Variants in ZNF644 observed in about 807,000 individuals in gnomAD.
ZNF644 encodes zinc finger protein 644.
Under a neutral mutation model 108.0 loss-of-function variants are expected in ZNF644, and 20 were observed. That is an observed-to-expected ratio of 0.19 (90% CI 0.13 to 0.27). ZNF644 has a LOEUF of 0.27. Among genes scored for constraint, ZNF644 ranks in the 10% least tolerant of loss-of-function variants. The pLI, the probability that ZNF644 is intolerant of heterozygous loss-of-function variation, is 1.00. For synonymous variants in ZNF644, 542 were observed against 539.1 expected, an observed-to-expected ratio of 1.01 and a Z score of -0.08; for missense variants, 1,338 against 1,548.9, an observed-to-expected ratio of 0.86 and a Z score of 2.29.
chr1:90,964,421 T>C (rs919112811), intron 2 of ZNF644, among the ~76,000 whole-genome samples: 7 of 152,148 alleles, frequency 4.6e-5, no homozygotes, highest in African/African-American at 1.4e-4. Flanking sequence ...AAAATGTATA[T>C]ACTTCCCTAC....
Position 90,934,980 on chromosome 1 carries a change from A to C in ZNF644, c.3688+2505T>G, listed in dbSNP as rs569669445. 2.0e-5 allele frequency among the ~76,000 whole-genome samples: 3 copies of C among 152,220 alleles called. No homozygotes were observed. In the East Asian group the frequency reaches 5.8e-4, roughly 29 times the overall value. ...TTCACAGGCACAATCATAGCACATTATAGCCGCTAACTCTTGAGCTCAAGT... is the reference window on the plus strand; with the variant it reads ...TTCACAGGCACAATCATAGCACATTCTAGCCGCTAACTCTTGAGCTCAAGT... On this transcript the variant is annotated intron_variant, in intron 4 of 5. Transcript: ENST00000337393.
chr1:90,962,111 A>G (rs1229780078), intron 2 of ZNF644, among the ~76,000 whole-genome samples: 2 of 152,194 alleles, frequency 1.3e-5, no homozygotes, highest in African/African-American at 2.4e-5. Flanking sequence ...CTCATGAACT[A>G]TAAGACCTAA....
chr1:90,951,241 C>T (rs1653130225), intron 2 of ZNF644, among the ~76,000 whole-genome samples: 1 of 152,130 alleles, frequency 6.6e-6, no homozygotes. Context: ...CGGAGTGATC[C>T]ATACAGATAA....
At chr1:90,931,174 T>C (rs1473718372) in intron 4 of ZNF644, among the ~76,000 whole-genome samples, 1 of 152,054 alleles carries the variant, frequency 6.6e-6, no homozygotes, top group Non-Finnish European at 1.5e-5. Flanking sequence ...AGCATAAAAA[T>C]ACATCATTTA....
At chr1:90,946,303 AT>A (rs2101007724) in intron 2 of ZNF644, among the ~76,000 whole-genome samples, 1 of 152,200 alleles carries the variant, frequency 6.6e-6, no homozygotes, top group African/African-American at 2.4e-5. Context: ...CACTAAAAAA[AT>A]ACAGAACACT....
intron 1 of ZNF644, among the ~76,000 whole-genome samples, chr1:91,006,479 C>A (rs1250089543): frequency 6.6e-6 from 1 of 152,290 alleles, no homozygotes; most frequent in East Asian, 1.9e-4. Flanking sequence ...ATAATTAACA[C>A]TATTCCTTCT....
At chr1:91,019,623 T>A (rs921078753) in intron 1 of ZNF644, among the ~76,000 whole-genome samples, 5 of 152,186 alleles carry the variant, frequency 3.3e-5, no homozygotes, top group Admixed American at 2.0e-4. Context: ...CAGACTGGAG[T>A]GCAGTGCCAC....
chr1:90,919,011 T>C (rs1268671547), intron 4 of ZNF644, among the ~76,000 whole-genome samples: 1 of 152,130 alleles, frequency 6.6e-6, no homozygotes, highest in Non-Finnish European at 1.5e-5. Context: ...ACCAAAATTT[T>C]ATGTGAACTG....
intron 2 of ZNF644, among the ~76,000 whole-genome samples, chr1:90,955,455 G>A (rs1393356425): frequency 6.6e-6 from 1 of 152,218 alleles, no homozygotes; most frequent in Admixed American, 6.5e-5. Flanking sequence ...CATCTACACT[G>A]AAAAATCTGT....
chr1:90,978,023 C>T (rs968616880), intron 2 of ZNF644, among the ~76,000 whole-genome samples: 3 of 152,090 alleles, frequency 2.0e-5, no homozygotes, highest in African/African-American at 7.2e-5. Context: ...CTCATAAGGT[C>T]ACATGTGACT....
At chr1:90,993,458 T>G (rs577716076) in intron 1 of ZNF644, among the ~76,000 whole-genome samples, 3 of 152,314 alleles carry the variant, frequency 2.0e-5, no homozygotes, top group Admixed American at 2.0e-4. Context: ...CCTGGCTGAC[T>G]CACAGACTTG....
chr1:90,947,750 T>C (rs182740240), intron 2 of ZNF644, among the ~76,000 whole-genome samples: 240 of 152,286 alleles, frequency 1.6e-3, no homozygotes, highest in Middle Eastern at 0.01. Flanking sequence ...AATAAACCCA[T>C]GATAAATGGA....
rs903827956 is a variant in ZNF644, at chr1:91,022,026, G to A, written c.-54C>T. 13 of 398,854 alleles carry A rather than the reference G, an allele frequency of 3.3e-5. No individual in the cohort carries two copies. The highest frequency in any genetic ancestry group is 1.8e-5 in the Non-Finnish European group (4 of 225,954). 24.7% of individuals were successfully genotyped at this position (398,854 alleles called of 1,614,324 possible). ...GTGTGCGTCAAACCGGGGCGACGTT[G>A]GGAGCACGCGGCGTCCCCGCGTCAC... On this transcript the variant is annotated 5_prime_UTR_variant, in exon 1 of 6. Coordinates refer to ENST00000337393, the MANE Select transcript of ZNF644 (RefSeq NM_201269.3).
intron 2 of ZNF644, among the ~76,000 whole-genome samples, chr1:90,970,680 T>G (rs950214072): frequency 1.3e-5 from 2 of 152,172 alleles, no homozygotes; most frequent in African/African-American, 4.8e-5. Context: ...AGATATCATA[T>G]GATTATCAAG....
At chr1:90,922,380 G>A (rs868436755) in intron 4 of ZNF644, among the ~76,000 whole-genome samples, 4 of 152,048 alleles carry the variant, frequency 2.6e-5, no homozygotes, top group African/African-American at 9.7e-5. Flanking sequence ...TTCTCTAAGT[G>A]GTTGGCCTGT....
chr1:90,927,035 A>G (rs1650116640), intron 4 of ZNF644, among the ~76,000 whole-genome samples: 1 of 151,958 alleles, frequency 6.6e-6, no homozygotes, highest in South Asian at 2.1e-4. Context: ...AACTTCCCAC[A>G]TTGTTCCACC....
At chr1:90,937,366 A>C in intron 4 of ZNF644, 119 bp downstream of exon 4, 1 of 1,458,594 alleles carries the variant, frequency 6.9e-7, no homozygotes, top group Non-Finnish European at 9.4e-7. Context: ...TCTGTAAAAA[A>C]AAAAAGCAGC....
Position 90,940,794 on chromosome 1 carries a change from G to A in ZNF644, c.560C>T (p.Pro187Leu), listed in dbSNP as rs775301482. Residue 187 changes from proline to leucine, a missense_variant, in exon 3 of 6, where the codon CCC (proline) becomes CTC (leucine). Pro to Leu is a moderately conservative substitution (Grantham distance 98). Around this residue, in one of 6 missense-constraint regions of ZNF644, gnomAD observed 464 missense variants for 457.9 expected, o/e 1.01. Transcript: ENST00000337393. Reference sequence around the variant, plus strand: ...AGGTAGTTTTTTATTGGAATGGGTGGGATTCTTAGCATGTGCTACATCTGA... The same window carrying A: ...AGGTAGTTTTTTATTGGAATGGGTGAGATTCTTAGCATGTGCTACATCTGA... ...LLSDVAHAKN[P>L]THSNKKLPTS... The A allele has an allele frequency of 5.0e-6, 8 of 1,613,710 alleles. No individual in the cohort carries two copies. In the East Asian group the frequency reaches 1.6e-4, roughly 31 times the overall value.
chr1:90,977,062 C>T (rs1656088977), intron 2 of ZNF644, among the ~76,000 whole-genome samples: 1 of 151,136 alleles, frequency 6.6e-6, no homozygotes, highest in South Asian at 2.1e-4. Flanking sequence ...AAGGAGTTCA[C>T]TCACATTAAA....
Sources: gnomAD v4.1 joint callset for allele counts (sites outside exome capture counted in the v4.1 genomes callset) on GRCh38, gnomAD v4.1.1 for gene constraint, gnomAD v4.1.1 regional missense constraint, MANE v1.5 for transcripts, NCBI Gene and HGNC (gene_info 2026-07-23, HGNC 2026-07-21) for gene names.